OPHN1: variants seen among roughly 807,000 people sequenced by gnomAD.
OPHN1 encodes the protein oligophrenin 1, also known as oligophrenin-1.
OPHN1 carries 11 observed loss-of-function variants against 60.7 expected under a neutral mutation model. The ratio of observed to expected loss-of-function variants is 0.18; its 90% confidence interval spans 0.11 to 0.30. OPHN1 has a LOEUF of 0.30. Ranked by LOEUF, OPHN1 falls within the 10% of genes least tolerant of loss-of-function variation. The pLI, the probability that OPHN1 is intolerant of heterozygous loss-of-function variation, is 1.00. For synonymous variants in OPHN1, 226 were observed against 222.6 expected (o/e 1.02, Z -0.14); for missense variants, 449 against 611.0 (o/e 0.73, Z 2.80).
intron 6 of OPHN1, among the ~76,000 whole-genome samples, chrX:68,222,824 T>C (rs1250605525): frequency 6.6e-5 from 3 of 45,344 alleles, no homozygotes; most frequent in African/African-American, 8.3e-5. Context: ...ATATACCTAA[T>C]GCTAGATGAT....
At chrX:68,123,977 T>A (rs2077159853) in intron 15 of OPHN1, among the ~76,000 whole-genome samples, 1 of 109,898 alleles carries the variant, frequency 9.1e-6, no homozygotes, top group Non-Finnish European at 1.9e-5. Context: ...ATCAAATGAC[T>A]CTTGCCTACA....
chrX:68,119,162 G>A, intron 16 of OPHN1, 86 bp downstream of exon 16: 1 of 664,676 alleles, frequency 1.5e-6, no homozygotes. Context: ...CAAACTCCTG[G>A]AACTGAGACC....
At chrX:68,343,301 C>T (rs2078363561) in intron 2 of OPHN1, among the ~76,000 whole-genome samples, 3 of 97,500 alleles carry the variant, frequency 3.1e-5, no homozygotes, top group South Asian at 9.7e-4. Flanking sequence ...GGGGGAGGGG[C>T]GCTGGGCATG....
At chrX:68,116,523 T>C (rs2077127946) in intron 16 of OPHN1, among the ~76,000 whole-genome samples, 1 of 111,216 alleles carries the variant, frequency 9.0e-6, no homozygotes, top group Admixed American at 9.6e-5. Context: ...CCGAGTAAAG[T>C]ATCTCATTAG....
chrX:68,290,291 T>C (rs2078064635), intron 3 of OPHN1, among the ~76,000 whole-genome samples: 1 of 110,872 alleles, frequency 9.0e-6, no homozygotes, highest in Non-Finnish European at 1.9e-5. Flanking sequence ...GAAATTCAAC[T>C]CTACGAAAAA....
chrX:68,378,656 G>A (rs2078575521), intron 2 of OPHN1, among the ~76,000 whole-genome samples: 1 of 111,845 alleles, frequency 8.9e-6, no homozygotes, highest in African/African-American at 3.3e-5. Context: ...CATATGGCTA[G>A]CCAGTTTTCC....
In OPHN1 at chrX:68,045,451, CTCTA is replaced by C. The variant is rs1473173440; in HGVS notation, c.*1717_*1720del. ...GCACATGAGTGTGCATGTACTCACT[CTCTA>C]TCTCTTTATCTAGGTTTATCTGTCA... On this transcript the variant is annotated 3_prime_UTR_variant, in exon 25 of 25. Transcript: ENST00000355520. 1.8e-5 allele frequency: 2 copies of C among 112,218 alleles called. No individual in the cohort carries two copies. Among genetic ancestry groups the C allele is most frequent in the East Asian group, 2.8e-4 (1 of 3,553 alleles). 9.2% of individuals were successfully genotyped at this position (112,218 alleles called of 1,213,427 possible).
rs765036584 is a variant in OPHN1 at position 68,164,172 on chromosome X, T to G, written c.1276+28747A>C. ...TAGATAATCTAGCCAAAAGCACTCA[T>G]AGTGTAATAGAATTCATTGAACTGC... On this transcript the variant is annotated intron_variant, in intron 15 of 24. Transcript: ENST00000355520. 5.4e-5 allele frequency among the ~76,000 whole-genome samples: 6 copies of G among 111,528 alleles called. 1 individual carries two copies. In the South Asian group the frequency reaches 2.3e-3, roughly 42 times the overall value.
At chrX:68,339,087 A>AAAT (rs1555973538) in intron 2 of OPHN1, among the ~76,000 whole-genome samples, 96 of 90,984 alleles carry the variant, frequency 1.1e-3, no homozygotes, top group African/African-American at 4.6e-3. Flanking sequence ...GAAAAAAAAA[A>AAAT]ATATATATAT....
At position 68,103,621 on chromosome X, in the gene OPHN1, A is replaced by AT. The variant is rs1555937113; in HGVS notation, c.1527-6593_1527-6592insA. 5.2e-4 allele frequency among the ~76,000 whole-genome samples: 57 copies of AT among 108,737 alleles called. No individual in the cohort carries two copies. In the Admixed American group the frequency reaches 5.5e-3, roughly 11 times the overall value. The allele number at this position is 108,737 out of a possible 115,157, so 94.4% of individuals were successfully genotyped here. ...GAAAAGGCTTTTGATAAAATTCAAC[A>AT]CCCTCCATGCTAAAACCTCTCAATA... On this transcript the variant is annotated intron_variant, in intron 18 of 24. Transcript: ENST00000355520.
intron 5 of OPHN1, among the ~76,000 whole-genome samples, chrX:68,266,225 G>T (rs1422646854): frequency 1.8e-5 from 2 of 111,368 alleles, no homozygotes; most frequent in Non-Finnish European, 3.8e-5. Flanking sequence ...ACACATAATT[G>T]TCAGATTCAC....
chrX:68,299,179 G>A, intron 2 of OPHN1, 83 bp from the exon 3 acceptor site: 10 of 626,717 alleles, frequency 1.6e-5, no homozygotes, highest in Non-Finnish European at 2.6e-5. Context: ...GCAGATAAAA[G>A]AAAACCAAAG....
Position 68,096,866 on chromosome X carries a change from A to G in OPHN1, c.1686+4T>C. On this transcript the variant is annotated splice_donor_region_variant and intron_variant, in intron 19 of 24. Transcript: ENST00000355520. ...GACAGGTAGTGAGAATAGAAAATGC[A>G]TACCTTGCCAAAGTGCTCGATTAGT... The G allele has an allele frequency of 1.7e-6, 2 of 1,209,873 alleles. No homozygotes were observed. The highest frequency in any genetic ancestry group is 2.2e-6 in the Non-Finnish European group (2 of 894,513).
chrX:68,091,344 G>A (rs1018096428), intron 19 of OPHN1, among the ~76,000 whole-genome samples: 3 of 111,518 alleles, frequency 2.7e-5, no homozygotes, highest in Non-Finnish European at 5.7e-5. Flanking sequence ...AGCAATAAAG[G>A]AGGAAAACAG....
intron 2 of OPHN1, among the ~76,000 whole-genome samples, chrX:68,380,265 C>T (rs1329752601): frequency 3.6e-5 from 4 of 111,214 alleles, no homozygotes; most frequent in East Asian, 5.7e-4. Flanking sequence ...TCTGTGGGAT[C>T]GGTGGTGACA....
At chrX:68,430,837 GA>G (rs746175081) in intron 2 of OPHN1, among the ~76,000 whole-genome samples, 1,174 of 107,088 alleles carry the variant, frequency 0.011, 18 homozygotes, top group African/African-American at 0.038. Context: ...AACAAAAATT[GA>G]AAAAAAAAGA....
At chrX:68,275,735 C>T (rs1201520286) in intron 4 of OPHN1, among the ~76,000 whole-genome samples, 1 of 111,662 alleles carries the variant, frequency 9.0e-6, no homozygotes. Context: ...GAGGAAAAAG[C>T]CAGTTTTGAC....
intron 2 of OPHN1, among the ~76,000 whole-genome samples, chrX:68,400,848 C>T (rs2078710759): frequency 9.0e-6 from 1 of 111,020 alleles, no homozygotes. Flanking sequence ...ATGATTCACC[C>T]GCCTCTGCCT....
At chrX:68,159,750 G>A (rs1166122387) in intron 15 of OPHN1, among the ~76,000 whole-genome samples, 1 of 111,008 alleles carries the variant, frequency 9.0e-6, no homozygotes, top group Non-Finnish European at 1.9e-5. Flanking sequence ...CACATAAATT[G>A]TTAAGTCCTA....
Sources: allele counts gnomAD v4.1 joint callset (sites outside exome capture counted in the v4.1 genomes callset), GRCh38; gene constraint gnomAD v4.1.1; transcripts MANE v1.5; gene names NCBI Gene and HGNC (gene_info 2026-07-23, HGNC 2026-07-21).